The following NKAIN2 variants were observed in gnomAD, a reference collection of about 807,000 sequenced individuals.
NKAIN2 encodes the protein sodium/potassium-transporting ATPase subunit beta-1-interacting protein 2.
A neutral mutation model predicts 32.6 loss-of-function variants in NKAIN2; 14 were observed. That is an observed-to-expected ratio of 0.43 (90% confidence interval 0.28 to 0.67). The LOEUF is 0.67. Ranked by LOEUF, NKAIN2 falls within the 30% of genes least tolerant of loss-of-function variation. The probability of loss-of-function intolerance (pLI) is 0.17; values close to 1 mark genes in which losing one functional copy is unlikely to be tolerated. For synonymous variants in NKAIN2, 80 were observed against 87.2 expected (o/e 0.92, Z 0.46); for missense variants, 198 against 258.3 (o/e 0.77, Z 1.60).
At chr6:124,193,056 T>G (rs1317211097) in intron 1 of NKAIN2, among the ~76,000 whole-genome samples, 1 of 152,162 alleles carries the variant, frequency 6.6e-6, no homozygotes, top group Non-Finnish European at 1.5e-5. Context: ...GCCAGTTCTA[T>G]CCATTTTAAC....
rs1304284410 is a variant in NKAIN2 at position 124,187,473 on chromosome 6, G to A, written c.55-95532G>A. On this transcript the variant is annotated intron_variant, in intron 1 of 6. Coordinates refer to ENST00000368417, the MANE Select transcript of NKAIN2 (RefSeq NM_001040214.3). ...CCCATAGTCCAATTGGGTAGACAGG[G>A]CAGTTTCGGATAAGATCAAAAAGCA... Among the ~76,000 whole-genome samples the A allele has an allele frequency of 2.6e-5, 4 of 152,106 alleles. No individual in the cohort carries two copies. The East Asian group carries it at 7.8e-4, about 29-fold the overall frequency.
chr6:124,544,049 A>G (rs1173653332), intron 3 of NKAIN2, among the ~76,000 whole-genome samples: 3 of 152,194 alleles, frequency 2.0e-5, no homozygotes, highest in Non-Finnish European at 4.4e-5. Flanking sequence ...GAATCTGTCA[A>G]ATAATGCCTC....
At chr6:124,389,606 A>C (rs1026658934) in intron 3 of NKAIN2, among the ~76,000 whole-genome samples, 3 of 152,028 alleles carry the variant, frequency 2.0e-5, no homozygotes, top group Non-Finnish European at 4.4e-5. Flanking sequence ...GTCAGTGTTA[A>C]GAAAAGGTAA....
intron 1 of NKAIN2, among the ~76,000 whole-genome samples, chr6:124,046,373 A>G (rs372975549): frequency 6.6e-6 from 1 of 151,970 alleles, no homozygotes; most frequent in African/African-American, 2.4e-5. Flanking sequence ...GGATTCCATA[A>G]TTAAACAAAT....
At chr6:124,374,393 T>C (rs1583149143) in intron 3 of NKAIN2, among the ~76,000 whole-genome samples, 3 of 152,224 alleles carry the variant, frequency 2.0e-5, no homozygotes, top group Admixed American at 2.0e-4. Flanking sequence ...ATGACCCCGA[T>C]GTGCTGCTCC....
intron 4 of NKAIN2, among the ~76,000 whole-genome samples, chr6:124,693,931 C>T (rs1774373522): frequency 6.6e-6 from 1 of 152,126 alleles, no homozygotes; most frequent in African/African-American, 2.4e-5. Context: ...TTCAGTCCTG[C>T]CTACTTGCTT....
At chr6:124,369,331 A>G (rs999123719) in intron 3 of NKAIN2, among the ~76,000 whole-genome samples, 4 of 152,156 alleles carry the variant, frequency 2.6e-5, no homozygotes. Flanking sequence ...TAAATTTAAA[A>G]ATAATTGAAT....
At chr6:124,796,886 A>G (rs1269586339) in intron 5 of NKAIN2, among the ~76,000 whole-genome samples, 1 of 152,186 alleles carries the variant, frequency 6.6e-6, no homozygotes, top group Non-Finnish European at 1.5e-5. Flanking sequence ...CCAGCCATGC[A>G]GAGCTTTCCT....
At chr6:124,216,958 G>A (rs952555200) in intron 1 of NKAIN2, among the ~76,000 whole-genome samples, 1 of 151,978 alleles carries the variant, frequency 6.6e-6, no homozygotes, top group Non-Finnish European at 1.5e-5. Flanking sequence ...TAAATAACAA[G>A]AATTGACTGT....
chr6:124,660,466 T>A (rs181275921), intron 4 of NKAIN2, among the ~76,000 whole-genome samples: 1 of 152,344 alleles, frequency 6.6e-6, no homozygotes, highest in Non-Finnish European at 1.5e-5. Context: ...ATAATTTTCC[T>A]TAAGTAGAAA....
At chr6:124,670,680 T>TGTGTGTGTGTGTG (rs1554248182) in intron 4 of NKAIN2, among the ~76,000 whole-genome samples, 5 of 151,216 alleles carry the variant, frequency 3.3e-5, no homozygotes, top group African/African-American at 7.3e-5. Flanking sequence ...TGTGTGTGTG[T>TGTGTGTGTGTGTG]TGCATAATAG....
At chr6:124,579,271 G>C (rs1433147288) in intron 3 of NKAIN2, among the ~76,000 whole-genome samples, 2 of 152,104 alleles carry the variant, frequency 1.3e-5, no homozygotes, top group African/African-American at 4.8e-5. Context: ...AGGCACCAGG[G>C]GCCAATACTG....
At chr6:123,827,583 A>G (rs929834145) in intron 1 of NKAIN2, among the ~76,000 whole-genome samples, 4 of 152,166 alleles carry the variant, frequency 2.6e-5, no homozygotes, top group Non-Finnish European at 5.9e-5. Context: ...TCTTCAAGAA[A>G]TGTGATGTAA....
intron 3 of NKAIN2, among the ~76,000 whole-genome samples, chr6:124,531,819 C>T (rs552628617): frequency 2.6e-5 from 4 of 152,260 alleles, no homozygotes; most frequent in South Asian, 2.1e-4. Flanking sequence ...TACAGGCATG[C>T]GCCACCATGC....
In NKAIN2 at chr6:124,283,036, T is replaced by C. The variant is rs1309946720; in HGVS notation, c.86T>C (p.Phe29Ser). The C allele has an allele frequency of 4.3e-6, 7 of 1,613,582 alleles. No individual in the cohort carries two copies. Among genetic ancestry groups the C allele is most frequent in the Non-Finnish European group, 5.9e-6 (7 of 1,179,664 alleles). Residue 29 changes from phenylalanine (F) to serine (S), a missense_variant, in exon 2 of 7, where the codon TTC becomes TCC. Physicochemically the swap from Phe to Ser is radical, Grantham distance 155. Coordinates refer to ENST00000368417, the MANE Select transcript of NKAIN2 (RefSeq NM_001040214.3). ...GTGCTGGAGAGGCAAATATTTGACT[T>C]CCTTGGATATCAGTGGGCACCTATC... is the stretch of plus-strand genomic sequence containing the variant. ...VCVLERQIFD[F>S]LGYQWAPILA...
In NKAIN2 at chr6:124,441,395, A is replaced by G. The variant is rs902232893; in HGVS notation, c.273+86048A>G. ...GTGGACTTTAATATACTTTCTCTTGAATATGGTATAGCTTTAGTCATCTGC... is the reference window on the plus strand; with the variant it reads ...GTGGACTTTAATATACTTTCTCTTGGATATGGTATAGCTTTAGTCATCTGC... On this transcript the variant is annotated intron_variant, in intron 3 of 6. Transcript: ENST00000368417. 5.9e-5 allele frequency among the ~76,000 whole-genome samples: 9 copies of G among 152,072 alleles called. No homozygotes were observed. In the South Asian group the frequency reaches 1.0e-3, roughly 17 times the overall value.
intron 5 of NKAIN2, among the ~76,000 whole-genome samples, chr6:124,809,506 G>C (rs1346525389): frequency 2.0e-5 from 3 of 150,076 alleles, no homozygotes; most frequent in Admixed American, 1.3e-4. Flanking sequence ...AGACTTAAAC[G>C]TTGGACCTAA....
chr6:124,566,213 G>A (rs17052010), intron 3 of NKAIN2, among the ~76,000 whole-genome samples: 25,077 of 152,090 alleles, frequency 0.16, 3,319 homozygotes, highest in African/African-American at 0.38. Context: ...CTCTAAAAGC[G>A]TTTTCTTATC....
At chr6:124,081,069 A>C (rs2114906424) in intron 1 of NKAIN2, among the ~76,000 whole-genome samples, 1 of 152,282 alleles carries the variant, frequency 6.6e-6, no homozygotes, top group Admixed American at 6.5e-5. Flanking sequence ...TAGTCTTAAA[A>C]AAGAGTCGTT....
Sources: allele counts gnomAD v4.1 joint callset (sites outside exome capture counted in the v4.1 genomes callset), GRCh38; gene constraint gnomAD v4.1.1; transcripts MANE v1.5; gene names NCBI Gene and HGNC (gene_info 2026-07-23, HGNC 2026-07-21).